CALN1: variants seen among roughly 807,000 people sequenced by gnomAD.
CALN1 encodes calcium-binding protein 8.
A neutral mutation model predicts 30.6 loss-of-function variants in CALN1; 17 were observed. That is an observed-to-expected ratio of 0.56 (90% CI 0.38 to 0.83). CALN1 has a LOEUF of 0.83. Ranked by LOEUF, CALN1 falls within the 40% of genes least tolerant of loss-of-function variation. CALN1 has a pLI of 0.00. For missense variants in CALN1, 291 were observed against 354.9 expected (o/e 0.82, Z 1.45); for synonymous variants, 156 against 131.4 (o/e 1.19, Z -1.28).
At chr7:71,907,633 T>C (rs1794213309) in intron 5 of CALN1, among the ~76,000 whole-genome samples, 1 of 152,354 alleles carries the variant, frequency 6.6e-6, no homozygotes, top group South Asian at 2.1e-4. Flanking sequence ...CCTACTTTGC[T>C]AGGTCTTGCT....
chr7:72,005,374 G>C (rs1799716610), intron 5 of CALN1, among the ~76,000 whole-genome samples: 1 of 152,112 alleles, frequency 6.6e-6, no homozygotes, highest in Non-Finnish European at 1.5e-5. Context: ...TTTCACCCAG[G>C]CTGGAGTTCA....
chr7:72,351,796 A>T (rs1296705455), intron 2 of CALN1, among the ~76,000 whole-genome samples: 1 of 152,230 alleles, frequency 6.6e-6, no homozygotes, highest in Non-Finnish European at 1.5e-5. Context: ...ACAAAAAAGA[A>T]ATAGCAAGAT....
intron 3 of CALN1, among the ~76,000 whole-genome samples, chr7:72,122,791 A>G (rs1808485206): frequency 6.6e-6 from 1 of 152,204 alleles, no homozygotes; most frequent in Admixed American, 6.5e-5. Context: ...TCAATTCAAC[A>G]AACGTTTCTT....
intron 5 of CALN1, among the ~76,000 whole-genome samples, chr7:71,838,691 G>C (rs1034175232): frequency 6.6e-6 from 1 of 152,146 alleles, no homozygotes; most frequent in East Asian, 1.9e-4. Flanking sequence ...TTGAATCATG[G>C]GGGAGGTTAC....
chr7:72,482,736 T>C, the CALN1 span, among the ~76,000 whole-genome samples: 13 of 152,176 alleles, frequency 8.5e-5, no homozygotes, highest in Admixed American at 2.0e-4. Context: ...GTCAATATCC[T>C]TTAAAGAGAT....
intron 5 of CALN1, among the ~76,000 whole-genome samples, chr7:71,932,171 A>G (rs1275307390): frequency 6.6e-6 from 1 of 152,136 alleles, no homozygotes; most frequent in Non-Finnish European, 1.5e-5. Flanking sequence ...GCTGTGACCC[A>G]AGACCCCTAA....
In CALN1 at chr7:72,214,353, G is replaced by A. The variant is rs138350630; in HGVS notation, c.244+64333C>T. On this transcript the variant is annotated intron_variant, in intron 3 of 6. Transcript: ENST00000395275. ...GAATTAGCTGGGTGTGGTGGCACACGCCTGTAGTCCTAGCTACTCAGGAGG... is the reference window on the plus strand; with the variant it reads ...GAATTAGCTGGGTGTGGTGGCACACACCTGTAGTCCTAGCTACTCAGGAGG... Among the ~76,000 whole-genome samples, 366 of 152,166 alleles carry A rather than the reference G, an allele frequency of 2.4e-3. 7 individuals carry two copies. In the East Asian group the frequency reaches 0.057, roughly 24 times the overall value.
At chr7:71,878,426 G>T (rs954102781) in intron 5 of CALN1, among the ~76,000 whole-genome samples, 3 of 151,976 alleles carry the variant, frequency 2.0e-5, no homozygotes, top group African/African-American at 7.3e-5. Context: ...GTATAATGTG[G>T]TTTCATAGGA....
intron 1 of CALN1, among the ~76,000 whole-genome samples, chr7:72,411,385 T>C (rs1396350651): frequency 6.6e-6 from 1 of 152,150 alleles, no homozygotes; most frequent in Non-Finnish European, 1.5e-5. Flanking sequence ...GTAACATCAT[T>C]AGGAATCAAG....
In CALN1 at chr7:72,359,976, CAA is replaced by C. The variant is rs750054515; in HGVS notation, c.119+43273_119+43274del. Reference sequence around the variant, plus strand: ...TGGGTGACAGAGTGAGACTCCATCTCAAAAAAAAAAAAAAACCAAAGTTGACC... The same window carrying C: ...TGGGTGACAGAGTGAGACTCCATCTCAAAAAAAAAAAAACCAAAGTTGACC... On this transcript the variant is annotated intron_variant, in intron 2 of 6. Transcript: ENST00000395275. Among the ~76,000 whole-genome samples the C allele has an allele frequency of 4.7e-5, 3 of 63,954 alleles. 1 individual carries two copies. Among genetic ancestry groups the C allele is most frequent in the South Asian group, 1.3e-3 (2 of 1,556 alleles). 42.0% of individuals were successfully genotyped at this position (63,954 alleles called of 152,430 possible). A position where few individuals can be genotyped will look rare whatever the true frequency, so the allele number is the denominator to read the frequency against.
At chr7:72,248,324 C>A (rs150142328) in intron 3 of CALN1, among the ~76,000 whole-genome samples, 16 of 152,162 alleles carry the variant, frequency 1.1e-4, no homozygotes, top group Non-Finnish European at 2.2e-4. Flanking sequence ...CATATAGGCC[C>A]GGCTGGTCTA....
At chr7:72,450,623 T>C (rs1808639708), upstream of CALN1, among the ~76,000 whole-genome samples, 1 of 152,200 alleles carries the variant, frequency 6.6e-6, no homozygotes, top group Non-Finnish European at 1.5e-5. Context: ...ATCACGCCTG[T>C]AATCCCAGCA....
chr7:72,422,272 AC>A (rs1562963121), intron 1 of CALN1, among the ~76,000 whole-genome samples: 1 of 152,176 alleles, frequency 6.6e-6, no homozygotes, highest in Non-Finnish European at 1.5e-5. Flanking sequence ...TTTCATTTTC[AC>A]CACATCAATG....
chr7:72,429,822 T>C (rs1451367483), intron 1 of CALN1, among the ~76,000 whole-genome samples: 1 of 150,894 alleles, frequency 6.6e-6, no homozygotes, highest in Admixed American at 6.6e-5. Flanking sequence ...TATGTGTGTG[T>C]CTATATATAT....
chr7:71,814,935 G>C (rs184541500), intron 5 of CALN1, among the ~76,000 whole-genome samples: 1 of 150,980 alleles, frequency 6.6e-6, no homozygotes, highest in African/African-American at 2.4e-5. Flanking sequence ...CTGGGTTCAC[G>C]CCATTCTCCT....
chr7:72,496,216 C>T, the CALN1 span, among the ~76,000 whole-genome samples: 1 of 152,180 alleles, frequency 6.6e-6, no homozygotes, highest in Non-Finnish European at 1.5e-5. Flanking sequence ...GCCACCATGC[C>T]CGGCCTCATT....
chr7:71,950,892 GTTC>G (rs1408851951), intron 5 of CALN1, among the ~76,000 whole-genome samples: 1 of 152,126 alleles, frequency 6.6e-6, no homozygotes, highest in East Asian at 1.9e-4. Context: ...CATTCCCAGA[GTTC>G]TTCATAAAGC....
chr7:72,487,734 A>AAAGG, the CALN1 span, among the ~76,000 whole-genome samples: 826 of 56,504 alleles, frequency 0.015, 54 homozygotes, highest in South Asian at 0.032. Flanking sequence ...AGAAAGAAAG[A>AAAGG]AAGGAAGGAA....
chr7:72,321,075 A>G (rs188820745), intron 2 of CALN1, among the ~76,000 whole-genome samples: 1 of 152,354 alleles, frequency 6.6e-6, no homozygotes, highest in Admixed American at 6.5e-5. Flanking sequence ...AGCTGTAAGT[A>G]TGCTGCCTCA....
Sources: allele counts gnomAD v4.1 joint callset (sites outside exome capture counted in the v4.1 genomes callset), GRCh38; gene constraint gnomAD v4.1.1; transcripts MANE v1.5; gene names NCBI Gene and HGNC (gene_info 2026-07-23, HGNC 2026-07-21).